Variants in ANTXR2 observed in about 807,000 individuals in gnomAD.
The protein encoded by ANTXR2 is ANTXR cell adhesion molecule 2, also known as anthrax toxin receptor 2.
ANTXR2 carries 44 observed loss-of-function variants against 73.7 expected under a neutral mutation model. That is an observed-to-expected ratio of 0.60 (90% CI 0.47 to 0.77). ANTXR2 has a LOEUF of 0.77. Among genes scored for constraint, ANTXR2 ranks in the 30% least tolerant of loss-of-function variants. The pLI, the probability that ANTXR2 is intolerant of heterozygous loss-of-function variation, is 0.00. For synonymous variants in ANTXR2, 217 were observed against 205.9 expected (o/e 1.05, Z -0.46); for missense variants, 604 against 592.5 (o/e 1.02, Z -0.20).
At chr4:79,919,718 G>A (rs1242508439) in intron 16 of ANTXR2, among the ~76,000 whole-genome samples, 1 of 151,584 alleles carries the variant, frequency 6.6e-6, no homozygotes, top group Non-Finnish European at 1.5e-5. Flanking sequence ...TGGGACTTGG[G>A]CTGGCTTCTT....
At chr4:79,908,104 C>T (rs1726991785) in intron 16 of ANTXR2, among the ~76,000 whole-genome samples, 1 of 152,194 alleles carries the variant, frequency 6.6e-6, no homozygotes, top group Admixed American at 6.5e-5. Context: ...TGTGGACACA[C>T]TGTTCCATGT....
intron 16 of ANTXR2, among the ~76,000 whole-genome samples, chr4:79,909,310 G>T (rs1727035020): frequency 6.6e-6 from 1 of 152,142 alleles, no homozygotes; most frequent in East Asian, 1.9e-4. Context: ...AATGGATATA[G>T]ATATAATGAT....
chr4:79,957,377 T>A (rs1728929141), intron 16 of ANTXR2, among the ~76,000 whole-genome samples: 1 of 152,148 alleles, frequency 6.6e-6, no homozygotes, highest in African/African-American at 2.4e-5. Context: ...TTCATTTGTA[T>A]GTTTTCCTAC....
At chr4:80,007,999 A>G (rs1731387567) in intron 12 of ANTXR2, among the ~76,000 whole-genome samples, 1 of 152,206 alleles carries the variant, frequency 6.6e-6, no homozygotes, top group Non-Finnish European at 1.5e-5. Context: ...ACAAAAAATG[A>G]CACAAACTGA....
At chr4:79,972,927 A>AAAAAAAAAGAAAG (rs1553929153) in intron 16 of ANTXR2, among the ~76,000 whole-genome samples, 12 of 17,134 alleles carry the variant, frequency 7.0e-4, no homozygotes, top group Admixed American at 1.4e-3. Context: ...TAATAAAAAA[A>AAAAAAAAAGAAAG]AAAAAAAAAA....
chr4:79,918,035 G>A (rs1244380136), intron 16 of ANTXR2, among the ~76,000 whole-genome samples: 2 of 151,688 alleles, frequency 1.3e-5, no homozygotes, highest in African/African-American at 4.8e-5. Context: ...TGTAATAATA[G>A]GATACCAAAA....
intron 10 of ANTXR2, among the ~76,000 whole-genome samples, chr4:80,030,644 A>G (rs1732648682): frequency 6.6e-6 from 1 of 152,130 alleles, no homozygotes; most frequent in African/African-American, 2.4e-5. Context: ...TGCATGACCA[A>G]AAGTGATGTG....
chr4:80,064,399 T>C (rs1339590630), intron 3 of ANTXR2, among the ~76,000 whole-genome samples: 2 of 152,218 alleles, frequency 1.3e-5, no homozygotes, highest in Non-Finnish European at 2.9e-5. Context: ...TCTGAAGTCA[T>C]ATCAGCTCAA....
At chr4:79,907,799 T>C (rs930944762) in intron 16 of ANTXR2, among the ~76,000 whole-genome samples, 30 of 152,180 alleles carry the variant, frequency 2.0e-4, no homozygotes, top group African/African-American at 7.2e-4. Flanking sequence ...CTTTATGTAA[T>C]GAATTAAAAT....
chr4:80,039,679 G>A (rs1733143063), intron 7 of ANTXR2, among the ~76,000 whole-genome samples: 1 of 152,132 alleles, frequency 6.6e-6, no homozygotes, highest in Non-Finnish European at 1.5e-5. Flanking sequence ...TTTATACACT[G>A]CTAGTGGTAA....
chr4:79,978,036 G>C lies in ANTXR2; in HGVS notation c.1318C>G (p.Pro440Ala), dbSNP rs775514821. The change falls in exon 15 of 17, where the codon CCT (proline) becomes GCT (alanine). Residue 440 changes from proline (P) to alanine (A), a missense_variant. By Grantham distance (27) the Pro-to-Ala change is conservative (BLOSUM62 -1). Transcript: ENST00000403729. ...ATTGGGGTGTACCATTTTGTCTGAGGAGGCTGGTGTGTGGGTTTGGGTCGA... is the reference window on the plus strand; with the variant it reads ...ATTGGGGTGTACCATTTTGTCTGAGCAGGCTGGTGTGTGGGTTTGGGTCGA... ...PPRPKPTHQP[P>A]QTKWYTPIKG... is the part of the protein sequence containing the mutation. 6.2e-7 allele frequency: 1 copy of C among 1,605,458 alleles called. No homozygotes were observed.
chr4:79,912,067 A>G lies in ANTXR2; in HGVS notation c.1429-4600T>C, dbSNP rs138442717. Among the ~76,000 whole-genome samples, 25 of 152,060 alleles carry G rather than the reference A, an allele frequency of 1.6e-4. 1 individual carries two copies. Among genetic ancestry groups the G allele is most frequent in the African/African-American group, 5.5e-4 (23 of 41,570 alleles). ...ATATATTACCTTATTTTGGTTTGGG[A>G]ATATAATACTCTTTGGATTCAATAA... is the stretch of plus-strand genomic sequence containing the variant. On this transcript the variant is annotated intron_variant, in intron 16 of 16. Transcript: ENST00000403729.
intron 16 of ANTXR2, among the ~76,000 whole-genome samples, chr4:79,975,386 C>G (rs1729583347): frequency 6.6e-6 from 1 of 152,000 alleles, no homozygotes; most frequent in Non-Finnish European, 1.5e-5. Flanking sequence ...TTTGATATTA[C>G]TTGATGCCAT....
intron 16 of ANTXR2, among the ~76,000 whole-genome samples, chr4:79,915,829 CCTCTCTCT>C (rs71596772): frequency 0.21 from 28,196 of 132,806 alleles, 3,368 homozygotes; most frequent in East Asian, 0.59. Flanking sequence ...TGTCTCTCTC[CCTCTCTCT>C]CTCTCTCTCT....
chr4:80,015,809 G>A (rs1360565634), intron 11 of ANTXR2, among the ~76,000 whole-genome samples: 1 of 146,326 alleles, frequency 6.8e-6, no homozygotes, highest in Non-Finnish European at 1.5e-5. Context: ...AAAGAAGGAA[G>A]GATGGAATGA....
chr4:80,054,955 A>C (rs1052943675), intron 6 of ANTXR2, among the ~76,000 whole-genome samples, 195 bp downstream of exon 6: 1 of 151,816 alleles, frequency 6.6e-6, no homozygotes. Flanking sequence ...AGAGATTTAA[A>C]GTTTCATTTT....
At chr4:79,907,668 T>C (rs1046397986) in intron 16 of ANTXR2, among the ~76,000 whole-genome samples, 4 of 152,130 alleles carry the variant, frequency 2.6e-5, no homozygotes, top group Admixed American at 2.0e-4. Context: ...AGTTCACCTA[T>C]GAGATGGTAT....
At chr4:80,023,554 G>A (rs940798853) in intron 10 of ANTXR2, among the ~76,000 whole-genome samples, 4 of 152,188 alleles carry the variant, frequency 2.6e-5, no homozygotes, top group African/African-American at 9.7e-5. Context: ...ATATTAAATA[G>A]GTTTAGGCAC....
intron 12 of ANTXR2, among the ~76,000 whole-genome samples, chr4:79,990,397 A>AAAAC (rs1305239533): frequency 1.3e-5 from 2 of 150,900 alleles, no homozygotes; most frequent in Admixed American, 1.3e-4. Flanking sequence ...AAAAAAAAAA[A>AAAAC]AAAAACACCT....
Sources: allele counts gnomAD v4.1 joint callset (sites outside exome capture counted in the v4.1 genomes callset), GRCh38; gene constraint gnomAD v4.1.1; transcripts MANE v1.5; gene names NCBI Gene and HGNC (gene_info 2026-07-23, HGNC 2026-07-21).